TMEM134: variants seen among roughly 807,000 people sequenced by gnomAD.
TMEM134 encodes transmembrane protein 134.
Under a neutral mutation model 26.2 loss-of-function variants are expected in TMEM134, and 36 were observed. The observed-to-expected ratio is 1.37, with a 90% confidence interval of 1.05 to 1.81. The LOEUF is 1.81. TMEM134 is among the 40% of genes most tolerant of loss of function. The probability of loss-of-function intolerance (pLI) is 0.00; values close to 1 mark genes in which losing one functional copy is unlikely to be tolerated. For synonymous variants in TMEM134, 133 were observed against 113.6 expected (o/e 1.17, Z -1.08); for missense variants, 339 against 263.5 (o/e 1.29, Z -1.98).
chr11:67,465,162 C>A (rs1439695716), intron 4 of TMEM134, 62 bp from the exon 5 acceptor site: 1 of 1,534,088 alleles, frequency 6.5e-7, no homozygotes, highest in Admixed American at 2.0e-5. Flanking sequence ...GGGGCTCCCA[C>A]CCCCAGCCCG....
In TMEM134 at chr11:67,463,929, G is replaced by A. The variant is rs1865087635; in HGVS notation, c.*685C>T. The A allele has an allele frequency of 6.5e-6, 1 of 153,234 alleles. No individual in the cohort carries two copies. The highest frequency in any genetic ancestry group is 1.5e-5 in the Non-Finnish European group (1 of 68,668). 9.5% of individuals were successfully genotyped at this position (153,234 alleles called of 1,614,324 possible). On this transcript the variant is annotated 3_prime_UTR_variant, in exon 7 of 7. Coordinates refer to ENST00000308022, the MANE Select transcript of TMEM134 (RefSeq NM_025124.4). ...TCTCCCAACCTCTGGGACTGGGAAG[G>A]AGGGCAGTGGGTGGAGGGGGCTGGG...
At position 67,465,522 on chromosome 11, in the gene TMEM134, G is replaced by C. The variant is rs529159581; in HGVS notation, c.407-422C>G. 1.3e-3 allele frequency among the ~76,000 whole-genome samples: 191 copies of C among 147,326 alleles called. 1 individual carries two copies. In the South Asian group the frequency reaches 0.014, roughly 11 times the overall value. On this transcript the variant is annotated intron_variant, in intron 4 of 6. Coordinates refer to ENST00000308022, the MANE Select transcript of TMEM134 (RefSeq NM_025124.4). ...AGGAGTCCTGGGTCCCCAGTTAGAA[G>C]AGTGATGGGGGAATGAGGAGCTGGA...
At chr11:67,467,672 C>T (rs1865359668) in intron 2 of TMEM134, 82 bp from the exon 3 acceptor site, 2 of 1,383,762 alleles carry the variant, frequency 1.4e-6, no homozygotes, top group Non-Finnish European at 2.0e-6. Flanking sequence ...AAGTGCAGGG[C>T]ATGGTGCAGG....
chr11:67,464,964 CG>C, intron 5 of TMEM134, 91 bp downstream of exon 5: 1 of 1,511,066 alleles, frequency 6.6e-7, no homozygotes, highest in Non-Finnish European at 9.1e-7. Context: ...GAAAAGGAGC[CG>C]TGTACTGCCG....
chr11:67,469,034 G>C lies in TMEM134; in HGVS notation c.159C>G (p.Ser53=). Residue 53 remains serine, a synonymous_variant, in exon 1 of 7, where the codon TCC becomes TCG. Transcript: ENST00000308022. The stretch of plus-strand genomic sequence containing the variant: ...GGCGGTTCACCTGGTAGCGCAGCCG[G>C]GACTGCTTGTCCTCGTCAGCCACCT... ...RFEVADEDKQ[S]RLRYQNLEND... 8 of 1,512,094 alleles carry C rather than the reference G, an allele frequency of 5.3e-6. No individual in the cohort carries two copies. The highest frequency in any genetic ancestry group is 7.1e-6 in the Non-Finnish European group (8 of 1,131,854). 93.7% of individuals were successfully genotyped at this position (1,512,094 alleles called of 1,614,324 possible).
Position 67,462,729 on chromosome 11 carries a change from TCA to T in TMEM134, c.*1883_*1884del, listed in dbSNP as rs1865056516. 1 of 152,104 alleles carries T rather than the reference TCA, an allele frequency of 6.6e-6. No homozygotes were observed. The highest frequency in any genetic ancestry group is 1.5e-5 in the Non-Finnish European group (1 of 68,022). The allele number at this position is 152,104 out of a possible 1,614,324, so 9.4% of individuals were successfully genotyped here. A position where few individuals can be genotyped will look rare whatever the true frequency, so the allele number is the denominator to read the frequency against. On this transcript the variant is annotated 3_prime_UTR_variant, in exon 7 of 7. Coordinates refer to ENST00000308022, the MANE Select transcript of TMEM134 (RefSeq NM_025124.4). ...TATTTATTTATTTTTTAAATAGGTC[TCA>T]GTCTGTCTTCCAGGCTGGAGTGCAG...
At chr11:67,465,180 C>A (rs1271035137) in intron 4 of TMEM134, 80 bp from the exon 5 acceptor site, 1 of 1,535,502 alleles carries the variant, frequency 6.5e-7, no homozygotes, top group Non-Finnish European at 8.7e-7. Flanking sequence ...CCGGCTCACC[C>A]ACCACCTGAG....
Position 67,464,443 on chromosome 11 carries a change from C to A in TMEM134, c.*171G>T. ...AGAATAAGTTAAGGCACAGAGCAGG[C>A]GACGGGCGGCTTTCCCAGGGCCAGG... On this transcript the variant is annotated 3_prime_UTR_variant, in exon 7 of 7. Transcript: ENST00000308022. 1.5e-6 allele frequency: 1 copy of A among 659,030 alleles called. No homozygotes were observed. The highest frequency in any genetic ancestry group is 2.7e-6 in the Non-Finnish European group (1 of 374,116). 40.8% of individuals were successfully genotyped at this position (659,030 alleles called of 1,614,324 possible).
chr11:67,464,719 G>T (rs1366833094), intron 6 of TMEM134, 23 bp from the exon 7 acceptor site: 1 of 1,550,636 alleles, frequency 6.4e-7, no homozygotes, highest in African/African-American at 1.4e-5. Context: ...GCCTGTCAGC[G>T]CAGAAGCCCC....
intron 5 of TMEM134, 76 bp from the exon 6 acceptor site, chr11:67,464,932 C>G: frequency 6.4e-7 from 1 of 1,570,252 alleles, no homozygotes. Context: ...GCTGACTGCC[C>G]GGGCAAGCCT....
In TMEM134 at chr11:67,469,083, T is replaced by A. The variant is rs1337728218; in HGVS notation, c.110A>T (p.His37Leu). 1 of 1,514,264 alleles carries A rather than the reference T, an allele frequency of 6.6e-7. No individual in the cohort carries two copies. The highest frequency in any genetic ancestry group is 1.2e-5 in the South Asian group (1 of 82,066). The allele number at this position is 1,514,264 out of a possible 1,614,324, so 93.8% of individuals were successfully genotyped here. ...SSGVARFGPL[H>L]FERRARFEVA... ...CTCGAACCGGGCCCGACGCTCGAAG[T>A]GCAGCGGCCCAAAGCGCGCGACCCC... Residue 37 changes from histidine (H) to leucine (L), a missense_variant, in exon 1 of 7, where the codon CAC (histidine) becomes CTC (leucine). Physicochemically the swap from His to Leu is moderately conservative, Grantham distance 99. Transcript: ENST00000308022.
In TMEM134 at chr11:67,464,714, T is replaced by C. The variant is rs576751862; in HGVS notation, c.506-18A>G. 61 of 1,551,314 alleles carry C rather than the reference T, an allele frequency of 3.9e-5. No individual in the cohort carries two copies. In the African/African-American group the frequency reaches 6.0e-4, roughly 15 times the overall value. ...GTGATAGACTGCGGGGCGGGGCCTG[T>C]CAGCGCAGAAGCCCCGCCCCTCCCC... On this transcript the variant is annotated intron_variant, in intron 6 of 6. Coordinates refer to ENST00000308022, the MANE Select transcript of TMEM134 (RefSeq NM_025124.4).
chr11:67,464,883 G>C, intron 5 of TMEM134, 27 bp from the exon 6 acceptor site: 1 of 1,608,002 alleles, frequency 6.2e-7, no homozygotes, highest in Non-Finnish European at 8.5e-7. Flanking sequence ...AGCCCGGTCA[G>C]GGCGAGGGGG....
intron 4 of TMEM134, chr11:67,466,261 TCCCTTGAA>T (rs1243866263): frequency 2.0e-5 from 3 of 152,016 alleles, no homozygotes; most frequent in African/African-American, 7.3e-5. Flanking sequence ...GGCATGAAAA[TCCCTTGAA>T]CCCAGGAGGC....
intron 1 of TMEM134, 27 bp from the exon 2 acceptor site, chr11:67,468,119 G>T: frequency 6.4e-7 from 1 of 1,551,946 alleles, no homozygotes. Flanking sequence ...GTCTCAGGGG[G>T]GTTGCTGGGC....
At chr11:67,467,968 G>C (rs534710351) in intron 2 of TMEM134, 60 bp downstream of exon 2, 1 of 1,473,782 alleles carries the variant, frequency 6.8e-7, no homozygotes, top group Admixed American at 2.0e-5. Context: ...GACTGAGCAG[G>C]GTCCCTGGGG....
intron 5 of TMEM134, 92 bp from the exon 6 acceptor site, chr11:67,464,948 CCAG>C: frequency 6.4e-7 from 1 of 1,550,718 alleles, no homozygotes; most frequent in Non-Finnish European, 8.8e-7. Context: ...AGCCTCACTC[CCAG>C]CTGAAAAGGA....
chr11:67,468,949 A>G (rs1288336098), intron 1 of TMEM134, 70 bp downstream of exon 1: 27 of 1,366,784 alleles, frequency 2.0e-5, no homozygotes, highest in Non-Finnish European at 2.5e-5. Flanking sequence ...CCCCGAGTTG[A>G]GGCCTTTGGG....
chr11:67,464,849 G>A lies in TMEM134; in HGVS notation c.459C>T (p.Ser153=). 1.2e-6 allele frequency: 2 copies of A among 1,610,550 alleles called. No individual in the cohort carries two copies. Among genetic ancestry groups the A allele is most frequent in the Non-Finnish European group, 1.7e-6 (2 of 1,179,760 alleles). ...GLEATPSPGV[S]SAIFFVPGFL... is the part of the protein sequence containing the mutation. ...AGCCCGGCACGAAGAAGATGGCGCT[G>A]GAGACACCTGCGGGAGGGACCAGAG... is the stretch of plus-strand genomic sequence containing the variant. Residue 153 remains serine (S), a synonymous_variant, in exon 6 of 7, where the codon TCC becomes TCT. Transcript: ENST00000308022.
Sources: allele counts gnomAD v4.1 joint callset (sites outside exome capture counted in the v4.1 genomes callset), GRCh38; gene constraint gnomAD v4.1.1; transcripts MANE v1.5; gene names NCBI Gene and HGNC (gene_info 2026-07-23, HGNC 2026-07-21).